Variants in KLHL8 observed in about 807,000 individuals in gnomAD.
KLHL8 encodes kelch-like protein 8.
In KLHL8, 38 loss-of-function variants were observed where a neutral mutation model predicts 63.5. That is an observed-to-expected ratio of 0.60 (90% CI 0.46 to 0.78). The LOEUF (loss-of-function observed/expected upper bound fraction) is 0.78, where lower values mean the gene tolerates loss of function less well. Ranked by LOEUF, KLHL8 falls within the 30% of genes least tolerant of loss-of-function variation. The pLI is 0.00. For synonymous variants in KLHL8, 224 were observed against 254.3 expected (o/e 0.88, Z 1.13); for missense variants, 566 against 752.4 (o/e 0.75, Z 2.90).
chr4:87,200,306 CT>C lies in KLHL8; in HGVS notation c.-151-4617del, dbSNP rs779267129. 4.6e-5 allele frequency among the ~76,000 whole-genome samples: 7 copies of C among 152,152 alleles called. No homozygotes were observed. In the East Asian group the frequency reaches 1.4e-3, roughly 29 times the overall value. ...CCAAAATCCTTGTATCCTTAAGTCC[CT>C]TATATAAACTGGTATGGTATTTGCA... On this transcript the variant is annotated intron_variant, in intron 1 of 9. Transcript: ENST00000273963.
At chr4:87,213,263 CAG>C (rs1230920251) in intron 1 of KLHL8, among the ~76,000 whole-genome samples, 1 of 152,150 alleles carries the variant, frequency 6.6e-6, no homozygotes, top group Non-Finnish European at 1.5e-5. Flanking sequence ...TGAACCTTAA[CAG>C]GGGCCTATAT....
chr4:87,189,122 G>C (rs958798602), intron 2 of KLHL8, among the ~76,000 whole-genome samples: 2 of 152,132 alleles, frequency 1.3e-5, no homozygotes, highest in African/African-American at 4.8e-5. Context: ...ACAGAAAACG[G>C]AAGTGAGGTA....
chr4:87,227,191 A>T (rs764933675), intron 1 of KLHL8, among the ~76,000 whole-genome samples: 18 of 151,296 alleles, frequency 1.2e-4, no homozygotes, highest in Non-Finnish European at 2.4e-4. Flanking sequence ...TGTTAGCAGG[A>T]TGGCTGAAAG....
chr4:87,218,697 C>T (rs554762913), intron 1 of KLHL8, among the ~76,000 whole-genome samples: 27 of 152,208 alleles, frequency 1.8e-4, no homozygotes, highest in African/African-American at 6.5e-4. Context: ...AATGATGAAG[C>T]TAAGTGCTCA....
At position 87,207,623 on chromosome 4, in the gene KLHL8, C is replaced by T; in HGVS notation, c.-151-11933G>A. On this transcript the variant is annotated intron_variant, in intron 1 of 9. Coordinates refer to ENST00000273963, the MANE Select transcript of KLHL8 (RefSeq NM_020803.5). ...GAAGGACTCATGACTACAGTCCATG[C>T]CATCACTGCCACCCAGAAGACTGTG... 4.9e-6 allele frequency: 6 copies of T among 1,221,454 alleles called. No homozygotes were observed. The South Asian group carries it at 7.2e-5, about 15-fold the overall frequency. The allele number at this position is 1,221,454 out of a possible 1,614,324, so 75.7% of individuals were successfully genotyped here.
At chr4:87,196,600 T>C (rs1395971799) in intron 1 of KLHL8, among the ~76,000 whole-genome samples, 1 of 152,196 alleles carries the variant, frequency 6.6e-6, no homozygotes, top group Non-Finnish European at 1.5e-5. Context: ...AAAGATCTCA[T>C]TTTATTTGCA....
At chr4:87,208,405 C>T (rs1471150140) in intron 1 of KLHL8, among the ~76,000 whole-genome samples, 1 of 151,378 alleles carries the variant, frequency 6.6e-6, no homozygotes, top group East Asian at 1.9e-4. Context: ...CTCACTCTGC[C>T]ACCCAGGCTA....
At chr4:87,209,323 A>C (rs1287086758) in intron 1 of KLHL8, among the ~76,000 whole-genome samples, 1 of 152,230 alleles carries the variant, frequency 6.6e-6, no homozygotes, top group Non-Finnish European at 1.5e-5. Context: ...CATCATTGTC[A>C]TAACATGCTA....
chr4:87,201,986 T>C (rs111742758), intron 1 of KLHL8, among the ~76,000 whole-genome samples: 46 of 152,092 alleles, frequency 3.0e-4, no homozygotes, highest in African/African-American at 1.0e-3. Flanking sequence ...CAGGTGCCTG[T>C]AGTCCCAGCT....
At chr4:87,210,158 C>G (rs1391179001) in intron 1 of KLHL8, among the ~76,000 whole-genome samples, 1 of 151,990 alleles carries the variant, frequency 6.6e-6, no homozygotes, top group Non-Finnish European at 1.5e-5. Context: ...ACGCCCAGCC[C>G]CAAATGGCAC....
chr4:87,173,753 T>C (rs1417184925), intron 6 of KLHL8, among the ~76,000 whole-genome samples: 33 of 152,186 alleles, frequency 2.2e-4, no homozygotes, highest in Admixed American at 2.2e-3. Context: ...AAAACCAACA[T>C]AGTAACAGGG....
chr4:87,167,636 C>A, intron 8 of KLHL8: 1 of 457,456 alleles, frequency 2.2e-6, no homozygotes, highest in South Asian at 1.7e-5. Context: ...CTCATTCCTT[C>A]CCGTGTACAG....
chr4:87,212,756 A>G lies in KLHL8; in HGVS notation c.-152+7662T>C, dbSNP rs77297668. 4.8e-3 allele frequency among the ~76,000 whole-genome samples: 724 copies of G among 152,312 alleles called. 9 individuals are homozygous for G. The highest frequency in any genetic ancestry group is 0.016 in the African/African-American group (663 of 41,556). On this transcript the variant is annotated intron_variant, in intron 1 of 9. Coordinates refer to ENST00000273963, the MANE Select transcript of KLHL8 (RefSeq NM_020803.5). The stretch of plus-strand genomic sequence containing the variant: ...ACCTTTTCTGTTTAGACACACGAAT[A>G]GGTAACCACTGTGTTACAGTATTGA...
At chr4:87,164,914 CAA>C (rs1730319778) in intron 8 of KLHL8, among the ~76,000 whole-genome samples, 1 of 151,750 alleles carries the variant, frequency 6.6e-6, no homozygotes, top group Non-Finnish European at 1.5e-5. Flanking sequence ...TTTGGGAGGC[CAA>C]GGGGGGCCGA....
intron 3 of KLHL8, among the ~76,000 whole-genome samples, chr4:87,184,407 C>G (rs1731173927): frequency 6.6e-6 from 1 of 152,118 alleles, no homozygotes; most frequent in Middle Eastern, 3.2e-3. Flanking sequence ...CACTTTCATT[C>G]TTCTTCATTC....
chr4:87,185,420 A>G lies in KLHL8; in HGVS notation c.596T>C (p.Val199Ala), dbSNP rs1731214423. The stretch of plus-strand genomic sequence containing the variant: ...ACTTACAAAGTCTTCACACTCCACT[A>G]CTTCAGTAAAATGGTCACAGGCATA... ...DQYACDHFTEVVECEDFVSVS... is the reference protein window; with the variant it reads ...DQYACDHFTEAVECEDFVSVS... The change falls in exon 3 of 10, where the codon GTA (valine) becomes GCA (alanine). Residue 199 changes from valine (V) to alanine (A), a missense_variant. By Grantham distance (64) the Val-to-Ala change is moderately conservative. Transcript: ENST00000273963. The G allele has an allele frequency of 4.3e-6, 7 of 1,614,040 alleles. No individual in the cohort carries two copies. Among genetic ancestry groups the G allele is most frequent in the Non-Finnish European group, 5.9e-6 (7 of 1,180,026 alleles).
At chr4:87,240,318 G>C (rs541795459), upstream of KLHL8, 8 of 152,340 alleles carry the variant, frequency 5.3e-5, no homozygotes, top group East Asian at 5.8e-4. Flanking sequence ...AGCATCTAAA[G>C]AGGAATTACC....
chr4:87,210,949 C>T (rs763192352), intron 1 of KLHL8, among the ~76,000 whole-genome samples: 35 of 152,210 alleles, frequency 2.3e-4, no homozygotes, highest in Admixed American at 2.0e-4. Context: ...CAAAGTATAC[C>T]CTATTCAATT....
intron 2 of KLHL8, among the ~76,000 whole-genome samples, chr4:87,192,598 A>AC (rs1731537577): frequency 6.6e-6 from 1 of 152,232 alleles, no homozygotes; most frequent in Non-Finnish European, 1.5e-5. Flanking sequence ...AGCTTATACT[A>AC]CACACGTAGG....
Sources: gnomAD v4.1 joint callset for allele counts (sites outside exome capture counted in the v4.1 genomes callset) on GRCh38, gnomAD v4.1.1 for gene constraint, MANE v1.5 for transcripts, NCBI Gene and HGNC (gene_info 2026-07-23, HGNC 2026-07-21) for gene names.